The following PDGFC variants were observed in gnomAD, a reference collection of about 807,000 sequenced individuals.
The protein encoded by PDGFC is platelet derived growth factor C.
A neutral mutation model predicts 35.5 loss-of-function variants in PDGFC; 12 were observed. The observed-to-expected ratio is 0.34, with a 90% CI of 0.22 to 0.55. The LOEUF (loss-of-function observed/expected upper bound fraction) is 0.55. Ranked by LOEUF, PDGFC falls within the 20% of genes least tolerant of loss-of-function variation. PDGFC has a pLI of 0.91. For synonymous variants in PDGFC, 159 were observed against 148.8 expected, an observed-to-expected ratio of 1.07 and a Z score of -0.50; for missense variants, 322 against 412.4, an observed-to-expected ratio of 0.78 and a Z score of 1.90.
chr4:156,802,714 G>GAT (rs1265972492), intron 3 of PDGFC, among the ~76,000 whole-genome samples: 2 of 152,124 alleles, frequency 1.3e-5, no homozygotes, highest in Admixed American at 1.3e-4. Flanking sequence ...AGAGATGAGA[G>GAT]GAATCAGAGT....
intron 1 of PDGFC, among the ~76,000 whole-genome samples, chr4:156,902,293 T>A (rs1020065698): frequency 4.6e-5 from 7 of 152,230 alleles, no homozygotes; most frequent in Non-Finnish European, 8.8e-5. Flanking sequence ...TGGTATCTAC[T>A]ACCCAGATTT....
intron 1 of PDGFC, among the ~76,000 whole-genome samples, chr4:156,970,048 C>T (rs766449286): frequency 7.2e-5 from 11 of 152,178 alleles, no homozygotes; most frequent in Non-Finnish European, 1.2e-4. Flanking sequence ...TGTGCAATCC[C>T]AGCCCAAGGG....
At chr4:156,913,368 A>G (rs1363717256) in intron 1 of PDGFC, among the ~76,000 whole-genome samples, 1 of 152,156 alleles carries the variant, frequency 6.6e-6, no homozygotes, top group Non-Finnish European at 1.5e-5. Flanking sequence ...AAAAGAAAAA[A>G]AAAATAGGAC....
chr4:156,863,151 T>C (rs1268265022), intron 1 of PDGFC, among the ~76,000 whole-genome samples: 3 of 152,230 alleles, frequency 2.0e-5, no homozygotes, highest in Admixed American at 6.5e-5. Flanking sequence ...ATAAGGGTCA[T>C]CATATAATAT....
At chr4:156,792,651 A>C (rs1372740614) in intron 3 of PDGFC, among the ~76,000 whole-genome samples, 6 of 152,188 alleles carry the variant, frequency 3.9e-5, no homozygotes, top group Admixed American at 3.9e-4. Context: ...AAATACCACT[A>C]AAGGCCAATT....
chr4:156,796,239 T>A (rs1731437264), intron 3 of PDGFC, among the ~76,000 whole-genome samples: 1 of 152,142 alleles, frequency 6.6e-6, no homozygotes, highest in African/African-American at 2.4e-5. Flanking sequence ...TTGATACTCT[T>A]GATTGAGCCA....
intron 1 of PDGFC, among the ~76,000 whole-genome samples, chr4:156,884,814 T>C (rs910216084): frequency 4.6e-5 from 7 of 152,280 alleles, no homozygotes; most frequent in East Asian, 1.9e-4. Flanking sequence ...AAGCATTTCA[T>C]TGAACATGCA....
chr4:156,961,119 C>T (rs576448413), intron 1 of PDGFC, among the ~76,000 whole-genome samples: 3 of 151,992 alleles, frequency 2.0e-5, no homozygotes, highest in Non-Finnish European at 4.4e-5. Context: ...CATCTGCTAC[C>T]AAAGCAAAAT....
intron 2 of PDGFC, among the ~76,000 whole-genome samples, chr4:156,838,562 C>T (rs995257707): frequency 9.9e-5 from 15 of 152,046 alleles, no homozygotes; most frequent in African/African-American, 3.6e-4. Context: ...TAGTAGAATG[C>T]AAATCTATAC....
chr4:156,782,847 A>C (rs1731019310), intron 3 of PDGFC, among the ~76,000 whole-genome samples: 1 of 152,180 alleles, frequency 6.6e-6, no homozygotes, highest in Admixed American at 6.5e-5. Context: ...AAGTTAAATC[A>C]TTCAGTAGAC....
intron 1 of PDGFC, among the ~76,000 whole-genome samples, chr4:156,869,796 T>C (rs781292486): frequency 5.3e-5 from 8 of 152,160 alleles, no homozygotes; most frequent in African/African-American, 1.4e-4. Context: ...GTGAACAAGA[T>C]TGAGAATAAT....
At chr4:156,879,654 A>G (rs1023286559) in intron 1 of PDGFC, among the ~76,000 whole-genome samples, 3 of 152,340 alleles carry the variant, frequency 2.0e-5, no homozygotes, top group African/African-American at 2.4e-5. Flanking sequence ...AACAGGATTT[A>G]TGGACATTTT....
chr4:156,874,009 C>T (rs1730049453), intron 1 of PDGFC: 1 of 152,190 alleles, frequency 6.6e-6, no homozygotes, highest in Non-Finnish European at 1.5e-5. Context: ...CCATGAATTA[C>T]AACTATGATC....
intron 1 of PDGFC, among the ~76,000 whole-genome samples, chr4:156,902,482 A>G (rs1184172392): frequency 6.6e-6 from 1 of 152,126 alleles, no homozygotes; most frequent in Non-Finnish European, 1.5e-5. Flanking sequence ...GTTAACTCTA[A>G]CATGTGTACA....
At chr4:156,854,360 T>C (rs1323327433) in intron 1 of PDGFC, among the ~76,000 whole-genome samples, 2 of 152,196 alleles carry the variant, frequency 1.3e-5, no homozygotes, top group African/African-American at 2.4e-5. Flanking sequence ...GGCTAAAATA[T>C]ATATACTTAA....
At chr4:156,949,819 C>T (rs1423058040) in intron 1 of PDGFC, among the ~76,000 whole-genome samples, 1 of 151,926 alleles carries the variant, frequency 6.6e-6, no homozygotes, top group East Asian at 1.9e-4. Context: ...CCTACGTCCC[C>T]TTGAGGACAT....
At chr4:156,773,599 T>A (rs1730745175) in intron 3 of PDGFC, 1 of 152,166 alleles carries the variant, frequency 6.6e-6, no homozygotes, top group Non-Finnish European at 1.5e-5. Context: ...ATAAAAAGCT[T>A]GAATGGTCAA....
At position 156,763,085 on chromosome 4, in the gene PDGFC, T is replaced by A; in HGVS notation, c.*5A>T. On this transcript the variant is annotated 3_prime_UTR_variant, in exon 6 of 6. Coordinates refer to ENST00000502773, the MANE Select transcript of PDGFC (RefSeq NM_016205.3). Reference sequence around the variant, plus strand: ...TCTGGGCAAGAGCTGCTGGTGGTGATGCGGCTATCCTCCTGTGCTCCCTCT... The same window carrying A: ...TCTGGGCAAGAGCTGCTGGTGGTGAAGCGGCTATCCTCCTGTGCTCCCTCT... 2 of 1,485,502 alleles carry A rather than the reference T, an allele frequency of 1.3e-6. No homozygotes were observed. Among genetic ancestry groups the A allele is most frequent in the Non-Finnish European group, 1.9e-6 (2 of 1,063,016 alleles). The allele number at this position is 1,485,502 out of a possible 1,614,324, so 92.0% of individuals were successfully genotyped here.
At chr4:156,939,538 T>A (rs1448733302) in intron 1 of PDGFC, among the ~76,000 whole-genome samples, 1 of 152,022 alleles carries the variant, frequency 6.6e-6, no homozygotes, top group African/African-American at 2.4e-5. Context: ...AGAAAACACA[T>A]TTTTCACTTA....
Sources: allele counts gnomAD v4.1 joint callset (sites outside exome capture counted in the v4.1 genomes callset), GRCh38; gene constraint gnomAD v4.1.1; transcripts MANE v1.5; gene names NCBI Gene and HGNC (gene_info 2026-07-23, HGNC 2026-07-21).